IMMP2L: variants seen among roughly 807,000 people sequenced by gnomAD.
IMMP2L encodes the protein inner mitochondrial membrane peptidase subunit 2, also known as mitochondrial inner membrane protease subunit 2.
A neutral mutation model predicts 19.3 loss-of-function variants in IMMP2L; 18 were observed. The observed-to-expected ratio is 0.93, with a 90% CI of 0.64 to 1.38. The LOEUF (loss-of-function observed/expected upper bound fraction) is 1.38. Ranked by LOEUF, IMMP2L falls within the 40% of genes most tolerant of loss-of-function variation. The pLI is 0.00. For missense variants in IMMP2L, 233 were observed against 218.2 expected (o/e 1.07, Z -0.43); for synonymous variants, 76 against 73.0 (o/e 1.04, Z -0.21).
chr7:111,207,183 C>A (rs1810803349), intron 3 of IMMP2L, among the ~76,000 whole-genome samples: 1 of 152,064 alleles, frequency 6.6e-6, no homozygotes, highest in Admixed American at 6.6e-5. Context: ...ATAGAATATA[C>A]CTTGGAAAGG....
At chr7:110,698,652 G>A (rs1056367753) in intron 5 of IMMP2L, among the ~76,000 whole-genome samples, 1 of 152,178 alleles carries the variant, frequency 6.6e-6, no homozygotes, top group African/African-American at 2.4e-5. Context: ...AAGGATGGCA[G>A]GGCTGGAAGA....
At chr7:111,149,399 G>A (rs1233399538) in intron 3 of IMMP2L, among the ~76,000 whole-genome samples, 5 of 152,140 alleles carry the variant, frequency 3.3e-5, no homozygotes, top group Admixed American at 1.3e-4. Flanking sequence ...GTGGGGTTTA[G>A]GGGTGTCAAC....
chr7:110,847,934 T>C (rs1805830486), intron 5 of IMMP2L, among the ~76,000 whole-genome samples: 1 of 152,020 alleles, frequency 6.6e-6, no homozygotes, highest in African/African-American at 2.4e-5. Flanking sequence ...TAGACCTAAA[T>C]GTAAAACACA....
intron 3 of IMMP2L, among the ~76,000 whole-genome samples, chr7:111,386,712 A>C (rs1394835226): frequency 6.6e-6 from 1 of 152,170 alleles, no homozygotes; most frequent in Non-Finnish European, 1.5e-5. Flanking sequence ...TCCCTGTGCG[A>C]TCATAATCAC....
At chr7:110,859,291 A>G (rs922578916) in intron 5 of IMMP2L, among the ~76,000 whole-genome samples, 8 of 152,068 alleles carry the variant, frequency 5.3e-5, no homozygotes, top group Admixed American at 2.0e-4. Flanking sequence ...CAGTCTGACT[A>G]AAGTCTGACT....
chr7:111,100,576 CTT>C (rs1326343032), intron 3 of IMMP2L, among the ~76,000 whole-genome samples: 2 of 150,486 alleles, frequency 1.3e-5, no homozygotes, highest in African/African-American at 2.4e-5. Flanking sequence ...ATAATGAACA[CTT>C]AATATAATTC....
chr7:111,336,049 T>A (rs1244373373), intron 3 of IMMP2L, among the ~76,000 whole-genome samples: 1 of 151,950 alleles, frequency 6.6e-6, no homozygotes, highest in African/African-American at 2.4e-5. Context: ...AATTTCATCT[T>A]AAGTTTTTGT....
At chr7:111,323,705 G>A (rs1011273732) in intron 3 of IMMP2L, among the ~76,000 whole-genome samples, 3 of 151,972 alleles carry the variant, frequency 2.0e-5, no homozygotes, top group Non-Finnish European at 2.9e-5. Context: ...TGTTTATTGC[G>A]GCACTATTCA....
At chr7:111,127,417 T>C (rs1002838103) in intron 3 of IMMP2L, among the ~76,000 whole-genome samples, 2 of 152,230 alleles carry the variant, frequency 1.3e-5, no homozygotes, top group Non-Finnish European at 1.5e-5. Context: ...TACATATTTC[T>C]TTTAAAGTTT....
At chr7:111,412,555 A>C (rs1022075989) in intron 3 of IMMP2L, among the ~76,000 whole-genome samples, 1 of 151,876 alleles carries the variant, frequency 6.6e-6, no homozygotes, top group African/African-American at 2.4e-5. Flanking sequence ...AGAAACCACA[A>C]GGGAAATTTA....
chr7:111,108,644 T>C (rs1475612484), intron 3 of IMMP2L, among the ~76,000 whole-genome samples: 1 of 152,162 alleles, frequency 6.6e-6, no homozygotes, highest in East Asian at 1.9e-4. Context: ...GATTTAATTA[T>C]ACCCTTCTAA....
intron 3 of IMMP2L, among the ~76,000 whole-genome samples, chr7:111,076,656 A>T (rs2129575894): frequency 6.6e-6 from 1 of 152,348 alleles, no homozygotes; most frequent in East Asian, 1.9e-4. Context: ...GCTAAATCAT[A>T]GGGAATCCCT....
chr7:111,175,012 A>C (rs1054145189), intron 3 of IMMP2L, among the ~76,000 whole-genome samples: 2 of 151,882 alleles, frequency 1.3e-5, no homozygotes, highest in African/African-American at 4.8e-5. Context: ...TTATGAAAGC[A>C]CATACTGAAC....
At chr7:110,840,277 T>A (rs1251029497) in intron 5 of IMMP2L, among the ~76,000 whole-genome samples, 1 of 152,142 alleles carries the variant, frequency 6.6e-6, no homozygotes, top group African/African-American at 2.4e-5. Context: ...TTTTCTGTTA[T>A]CCTTTTTCAT....
intron 3 of IMMP2L, among the ~76,000 whole-genome samples, chr7:111,230,852 C>A (rs1374525204): frequency 6.6e-6 from 1 of 151,940 alleles, no homozygotes; most frequent in Non-Finnish European, 1.5e-5. Flanking sequence ...AACAAAGGTA[C>A]ATGTCTTAGG....
chr7:110,684,441 T>C (rs570601252), intron 5 of IMMP2L, among the ~76,000 whole-genome samples: 12 of 152,178 alleles, frequency 7.9e-5, no homozygotes, highest in Non-Finnish European at 1.3e-4. Context: ...ATGGATTATA[T>C]ATAACTTTAC....
intron 3 of IMMP2L, among the ~76,000 whole-genome samples, chr7:111,414,604 T>C (rs1834785858): frequency 6.6e-6 from 1 of 151,858 alleles, no homozygotes; most frequent in African/African-American, 2.4e-5. Flanking sequence ...AAGCATGACA[T>C]GCATTTGTCA....
rs549756191 is a variant in IMMP2L at position 111,477,600 on chromosome 7, CTT to C, written c.239+9636_239+9637del. 5.6e-3 allele frequency among the ~76,000 whole-genome samples: 851 copies of C among 151,444 alleles called. 3 individuals are homozygous for C. The highest frequency in any genetic ancestry group is 0.017 in the Middle Eastern group (5 of 292). On this transcript the variant is annotated intron_variant, in intron 3 of 5. Coordinates refer to ENST00000405709, the MANE Select transcript of IMMP2L (RefSeq NM_032549.4). ...TTCTTTGAAGGAAATGTCTTTTTTC[CTT>C]TGAAGACTTTTATCGGCCGGACACA...
chr7:111,057,167 C>T (rs1417158353), intron 3 of IMMP2L, among the ~76,000 whole-genome samples: 1 of 152,164 alleles, frequency 6.6e-6, no homozygotes, highest in East Asian at 1.9e-4. Context: ...ATCATACTCT[C>T]TCCTTCTCTG....
Sources: allele counts gnomAD v4.1 joint callset (sites outside exome capture counted in the v4.1 genomes callset), GRCh38; gene constraint gnomAD v4.1.1; transcripts MANE v1.5; gene names NCBI Gene and HGNC (gene_info 2026-07-23, HGNC 2026-07-21).